The following CDK7 variants were observed in gnomAD, a reference collection of about 807,000 sequenced individuals.
CDK7 encodes cyclin dependent kinase 7, also known as cyclin-dependent kinase 7.
Under a neutral mutation model 49.1 loss-of-function variants are expected in CDK7, and 25 were observed. The observed-to-expected ratio is 0.51, with a 90% confidence interval of 0.37 to 0.71. The LOEUF is 0.71. Among genes scored for constraint, CDK7 ranks in the 30% least tolerant of loss-of-function variants. CDK7 has a pLI of 0.00. For missense variants in CDK7, 316 were observed against 411.7 expected (o/e 0.77, Z 2.01); for synonymous variants, 107 against 140.0 (o/e 0.76, Z 1.67).
At chr5:69,270,056 ACT>A (rs1174930243) in intron 9 of CDK7, among the ~76,000 whole-genome samples, 12 of 133,858 alleles carry the variant, frequency 9.0e-5, no homozygotes, top group Admixed American at 8.8e-4. Context: ...ACAGAGTGAG[ACT>A]CTGTCTCCAA....
intron 2 of CDK7, among the ~76,000 whole-genome samples, chr5:69,246,945 T>C (rs2150193398): frequency 6.6e-6 from 1 of 152,340 alleles, no homozygotes; most frequent in African/African-American, 2.4e-5. Context: ...TTTTATCCCA[T>C]TGTGGTCAGA....
chr5:69,239,153 C>T (rs1245469780), intron 2 of CDK7, among the ~76,000 whole-genome samples: 1 of 152,114 alleles, frequency 6.6e-6, no homozygotes, highest in East Asian at 1.9e-4. Flanking sequence ...CAGAGTATCA[C>T]AACCATCAGC....
chr5:69,258,998 C>T (rs1325135363), intron 6 of CDK7, among the ~76,000 whole-genome samples: 1 of 151,786 alleles, frequency 6.6e-6, no homozygotes, highest in East Asian at 1.9e-4. Flanking sequence ...ATCACCTGAG[C>T]CCAGGAGGTG....
intron 10 of CDK7, among the ~76,000 whole-genome samples, chr5:69,274,346 C>T (rs1242550157): frequency 6.6e-6 from 1 of 152,098 alleles, no homozygotes; most frequent in East Asian, 1.9e-4. Flanking sequence ...TTTAAAAATG[C>T]AGCTGTAGGC....
intron 10 of CDK7, among the ~76,000 whole-genome samples, chr5:69,275,292 G>A (rs939721961): frequency 6.6e-6 from 1 of 152,098 alleles, no homozygotes; most frequent in Admixed American, 6.6e-5. Flanking sequence ...ATGGATTGTT[G>A]AATTAGAATC....
chr5:69,267,944 T>C (rs1751271188), intron 8 of CDK7, among the ~76,000 whole-genome samples: 2 of 152,116 alleles, frequency 1.3e-5, no homozygotes, highest in African/African-American at 4.8e-5. Context: ...TGTAATATTA[T>C]TTAATATCCT....
At chr5:69,248,802 C>CTTTTTTTTTTTTTTTTTT (rs70992911) in intron 2 of CDK7, among the ~76,000 whole-genome samples, 4 of 92,270 alleles carry the variant, frequency 4.3e-5, no homozygotes, top group African/African-American at 9.2e-5. Context: ...TTTTTTTTTT[C>CTTTTTTTTTTTTTTTTTT]TTTTTTTTTT....
chr5:69,244,543 G>A (rs1749602504), intron 2 of CDK7, among the ~76,000 whole-genome samples: 1 of 151,704 alleles, frequency 6.6e-6, no homozygotes, highest in African/African-American at 2.4e-5. Flanking sequence ...GGCTGAGGAG[G>A]GAGAATTGCT....
chr5:69,266,316 C>T (rs553106338), intron 8 of CDK7, among the ~76,000 whole-genome samples: 38 of 151,936 alleles, frequency 2.5e-4, no homozygotes, highest in Non-Finnish European at 4.4e-4. Flanking sequence ...GGGCTGGGTG[C>T]GGTGGCTTAT....
Position 69,235,007 on chromosome 5 carries a change from G to T in CDK7, c.32G>T (p.Arg11Leu), listed in dbSNP as rs555422765. The T allele has an allele frequency of 5.0e-6, 8 of 1,603,574 alleles. No individual in the cohort carries two copies. The African/African-American group carries it at 1.1e-4, about 21-fold the overall frequency. MALDVKSRAK[R>L]YEKLDFLGEG... ...CTGGACGTGAAGTCTCGGGCAAAGC[G>T]TTATGAGAAGCTGGACTTCCTTGGG... The change falls in exon 1 of 12, where the codon CGT becomes CTT. Residue 11 changes from arginine to leucine, a missense_variant. By Grantham distance (102) the Arg-to-Leu change is moderately radical (BLOSUM62 -2). Transcript: ENST00000256443.
chr5:69,236,954 C>CT (rs4053029), intron 2 of CDK7, among the ~76,000 whole-genome samples: 10,823 of 84,430 alleles, frequency 0.13, 504 homozygotes, highest in Admixed American at 0.19. Context: ...GCCTGGCCTT[C>CT]TTTTTTTTTT....
At chr5:69,258,269 C>G (rs929371649) in intron 6 of CDK7, 116 bp downstream of exon 6, 7 of 567,622 alleles carry the variant, frequency 1.2e-5, no homozygotes, top group African/African-American at 3.9e-5. Context: ...ACTGTTTTAT[C>G]CCATCTTTTT....
rs192495402 is a variant in CDK7 at position 69,243,150 on chromosome 5, G to A, written c.126+7697G>A. ...ATGCCTTTTTGGCATGTTGATTGTT[G>A]TGAGCTGGTTATCCTGAGAAACTGC... is the stretch of plus-strand genomic sequence containing the variant. On this transcript the variant is annotated intron_variant, in intron 2 of 11. Transcript: ENST00000256443. Among the ~76,000 whole-genome samples the A allele has an allele frequency of 8.5e-4, 130 of 152,352 alleles. 1 individual carries two copies. The highest frequency in any genetic ancestry group is 1.6e-3 in the Non-Finnish European group (107 of 68,030).
chr5:69,245,295 TTCCCCCTCCCC>T (rs1749668795), intron 2 of CDK7, among the ~76,000 whole-genome samples: 1 of 24,640 alleles, frequency 4.1e-5, no homozygotes, highest in Non-Finnish European at 8.1e-5. Flanking sequence ...TTCCCCTCCC[TTCCCCCTCCCC>T]TTCCCCCTCC....
At chr5:69,275,968 T>C (rs1057252633) in intron 10 of CDK7, among the ~76,000 whole-genome samples, 2 of 152,246 alleles carry the variant, frequency 1.3e-5, no homozygotes, top group Non-Finnish European at 2.9e-5. Context: ...CCAAGCATTT[T>C]AGATAAGATA....
intron 3 of CDK7, 35 bp from the exon 4 acceptor site, chr5:69,254,567 G>A: frequency 2.2e-6 from 2 of 892,068 alleles, no homozygotes; most frequent in East Asian, 2.5e-5. Flanking sequence ...TGAGATTTCA[G>A]AATTATTCAC....
intron 3 of CDK7, 81 bp from the exon 4 acceptor site, chr5:69,254,521 C>CA (rs35239844): frequency 0.38 from 179,974 of 475,552 alleles, 20,986 homozygotes; most frequent in African/African-American, 0.61. Context: ...GACTCCATCT[C>CA]AAAAAAAAAA....
At chr5:69,274,536 A>G (rs1751911556) in intron 10 of CDK7, among the ~76,000 whole-genome samples, 1 of 152,204 alleles carries the variant, frequency 6.6e-6, no homozygotes, top group Non-Finnish European at 1.5e-5. Context: ...AATTACTGCA[A>G]ATAATATTGG....
intron 8 of CDK7, among the ~76,000 whole-genome samples, chr5:69,263,198 A>T (rs1172256350): frequency 1.3e-5 from 2 of 152,116 alleles, no homozygotes; most frequent in Non-Finnish European, 2.9e-5. Flanking sequence ...CTCCAGAAAG[A>T]CTAGCCCTTA....
Sources: allele counts gnomAD v4.1 joint callset (sites outside exome capture counted in the v4.1 genomes callset), GRCh38; gene constraint gnomAD v4.1.1; transcripts MANE v1.5; gene names NCBI Gene and HGNC (gene_info 2026-07-23, HGNC 2026-07-21).